ASTN2: variants seen among roughly 807,000 people sequenced by gnomAD.
ASTN2 encodes the protein astrotactin-2.
Under a neutral mutation model 139.8 loss-of-function variants are expected in ASTN2, and 54 were observed. That is an observed-to-expected ratio of 0.39 (90% CI 0.31 to 0.48). ASTN2 has a LOEUF of 0.48. Ranked by LOEUF, ASTN2 falls within the 20% of genes least tolerant of loss-of-function variation. The pLI, the probability that ASTN2 is intolerant of heterozygous loss-of-function variation, is 0.95. For synonymous variants in ASTN2, 756 were observed against 719.5 expected (o/e 1.05, Z -0.81); for missense variants, 1,565 against 1,725.1 (o/e 0.91, Z 1.64).
At chr9:117,362,342 C>T (rs533982812) in intron 1 of ASTN2, among the ~76,000 whole-genome samples, 1 of 151,542 alleles carries the variant, frequency 6.6e-6, no homozygotes, top group African/African-American at 2.4e-5. Context: ...CCATACTAAA[C>T]CATTTTCTGC....
At chr9:116,570,785 C>T (rs1853473908) in intron 19 of ASTN2, among the ~76,000 whole-genome samples, 1 of 152,190 alleles carries the variant, frequency 6.6e-6, no homozygotes, top group Non-Finnish European at 1.5e-5. Flanking sequence ...ATCTGTTTCA[C>T]TCAAAATCCT....
intron 1 of ASTN2, among the ~76,000 whole-genome samples, chr9:117,346,414 C>T (rs781737486): frequency 9.2e-5 from 14 of 152,118 alleles, no homozygotes; most frequent in Non-Finnish European, 2.1e-4. Context: ...TCCATATACT[C>T]TACTGAATTC....
chr9:116,954,610 T>C (rs978408890), intron 10 of ASTN2, among the ~76,000 whole-genome samples: 2 of 152,222 alleles, frequency 1.3e-5, no homozygotes, highest in African/African-American at 4.8e-5. Context: ...GTATCAGTCA[T>C]TGATAATACG....
intron 20 of ASTN2, among the ~76,000 whole-genome samples, chr9:116,486,331 G>C (rs1364035469): frequency 6.6e-6 from 1 of 152,216 alleles, no homozygotes; most frequent in Non-Finnish European, 1.5e-5. Context: ...AAATGAATAT[G>C]TGAATGAAGT....
chr9:116,565,241 CACACACACACACACACAT>C (rs1490353200), intron 19 of ASTN2, among the ~76,000 whole-genome samples: 4 of 147,496 alleles, frequency 2.7e-5, no homozygotes, highest in Middle Eastern at 3.4e-3. Flanking sequence ...CACACACACA[CACACACACACACACACAT>C]ATGCCCCATA....
At chr9:116,651,827 A>C in intron 16 of ASTN2, 34 bp from the exon 17 acceptor site, 1 of 1,603,752 alleles carries the variant, frequency 6.2e-7, no homozygotes, top group South Asian at 1.1e-5. Context: ...AGCGAAAGGT[A>C]AACTCAGGAT....
At chr9:117,087,412 G>A (rs191324630) in intron 5 of ASTN2, among the ~76,000 whole-genome samples, 2 of 152,108 alleles carry the variant, frequency 1.3e-5, no homozygotes, top group African/African-American at 4.8e-5. Flanking sequence ...TTTTTTTGTA[G>A]AGATGGGGTT....
intron 5 of ASTN2, among the ~76,000 whole-genome samples, chr9:117,093,885 A>AT (rs1828769011): frequency 6.6e-6 from 1 of 152,174 alleles, no homozygotes; most frequent in African/African-American, 2.4e-5. Context: ...GAATCTAAGC[A>AT]TTCAATTCCT....
At chr9:117,064,107 CG>C (rs935613230) in intron 5 of ASTN2, among the ~76,000 whole-genome samples, 3 of 151,778 alleles carry the variant, frequency 2.0e-5, no homozygotes, top group Non-Finnish European at 4.4e-5. Flanking sequence ...TACAATAAAC[CG>C]GTGTTTCCAG....
chr9:117,243,240 A>G (rs1833268852), intron 2 of ASTN2, among the ~76,000 whole-genome samples: 1 of 152,220 alleles, frequency 6.6e-6, no homozygotes, highest in Non-Finnish European at 1.5e-5. Context: ...ACTACAAAAC[A>G]CTGTCTAATA....
chr9:116,736,029 C>T (rs527974623), intron 13 of ASTN2, among the ~76,000 whole-genome samples: 2 of 152,306 alleles, frequency 1.3e-5, no homozygotes, highest in Admixed American at 1.3e-4. Flanking sequence ...TTACATTCCC[C>T]ATTCAGACAT....
chr9:116,833,976 C>CAAAA (rs34675550), intron 11 of ASTN2, among the ~76,000 whole-genome samples: 1 of 152,044 alleles, frequency 6.6e-6, no homozygotes, highest in African/African-American at 2.4e-5. Flanking sequence ...GGAATTTCAC[C>CAAAA]AAAAAACGAA....
At chr9:116,871,629 G>T (rs1260401652) in intron 10 of ASTN2, among the ~76,000 whole-genome samples, 1 of 152,168 alleles carries the variant, frequency 6.6e-6, no homozygotes, top group Non-Finnish European at 1.5e-5. Context: ...CCATGTTTCA[G>T]CATGTATCAC....
intron 2 of ASTN2, among the ~76,000 whole-genome samples, chr9:117,229,033 A>C (rs975752695): frequency 6.6e-6 from 1 of 150,606 alleles, no homozygotes. Flanking sequence ...AACAAACAAA[A>C]AAAACCATGA....
intron 13 of ASTN2, among the ~76,000 whole-genome samples, chr9:116,745,014 T>C (rs1829197246): frequency 6.6e-6 from 1 of 152,170 alleles, no homozygotes; most frequent in Non-Finnish European, 1.5e-5. Context: ...TGACCCCTAC[T>C]GTCCAGGGTG....
At chr9:117,288,714 C>T (rs1834509795) in intron 2 of ASTN2, among the ~76,000 whole-genome samples, 1 of 152,120 alleles carries the variant, frequency 6.6e-6, no homozygotes, top group African/African-American at 2.4e-5. Flanking sequence ...TGTCTGTGGC[C>T]AGAATGACAA....
intron 17 of ASTN2, among the ~76,000 whole-genome samples, chr9:116,640,673 G>A (rs1047303151): frequency 1.9e-4 from 29 of 152,296 alleles, no homozygotes; most frequent in Admixed American, 5.9e-4. Flanking sequence ...GAAGGTTTCC[G>A]CCCAAGCAGC....
intron 19 of ASTN2, among the ~76,000 whole-genome samples, chr9:116,565,032 T>C (rs1347070846): frequency 6.6e-6 from 1 of 152,084 alleles, no homozygotes; most frequent in Non-Finnish European, 1.5e-5. Flanking sequence ...TTCAACTCAA[T>C]AATTCCTTGA....
At chr9:116,789,196 T>C (rs1435060199) in intron 13 of ASTN2, among the ~76,000 whole-genome samples, 1 of 152,160 alleles carries the variant, frequency 6.6e-6, no homozygotes, top group African/African-American at 2.4e-5. Flanking sequence ...CGTCTTTCTT[T>C]CCTCCTACAC....
Sources: gnomAD v4.1 joint callset for allele counts (sites outside exome capture counted in the v4.1 genomes callset) on GRCh38, gnomAD v4.1.1 for gene constraint, MANE v1.5 for transcripts, NCBI Gene and HGNC (gene_info 2026-07-23, HGNC 2026-07-21) for gene names.